The following TBCEL variants were observed in gnomAD, a reference collection of about 807,000 sequenced individuals.
The protein encoded by TBCEL is tubulin folding cofactor E like.
In TBCEL, 15 loss-of-function variants were observed where a neutral mutation model predicts 44.2. That is an observed-to-expected ratio of 0.34 (90% CI 0.23 to 0.52). The LOEUF (loss-of-function observed/expected upper bound fraction) is 0.52, where lower values mean the gene tolerates loss of function less well. Ranked by LOEUF, TBCEL falls within the 20% of genes least tolerant of loss-of-function variation. The pLI, the probability that TBCEL is intolerant of heterozygous loss-of-function variation, is 0.95. For synonymous variants in TBCEL, 171 were observed against 185.4 expected (o/e 0.92, Z 0.63); for missense variants, 319 against 506.3 (o/e 0.63, Z 3.55).
At chr11:121,051,641 C>T (rs544997023) in intron 4 of TBCEL, among the ~76,000 whole-genome samples, 8 of 151,816 alleles carry the variant, frequency 5.3e-5, no homozygotes, top group African/African-American at 1.4e-4. Flanking sequence ...ACCATTTGAT[C>T]GCAAAAGGGA....
chr11:121,086,473 T>C (rs1946218984), intron 8 of TBCEL, among the ~76,000 whole-genome samples: 1 of 152,206 alleles, frequency 6.6e-6, no homozygotes, highest in Non-Finnish European at 1.5e-5. Context: ...TACAGAGAGA[T>C]TGAACTTCTA....
intron 8 of TBCEL, among the ~76,000 whole-genome samples, chr11:121,086,544 A>C (rs1946220490): frequency 6.6e-6 from 1 of 152,148 alleles, no homozygotes; most frequent in Non-Finnish European, 1.5e-5. Context: ...TTCTTATGTA[A>C]TAATTGATTA....
chr11:121,041,812 C>T (rs1366595637), intron 2 of TBCEL, among the ~76,000 whole-genome samples: 1 of 151,494 alleles, frequency 6.6e-6, no homozygotes, highest in Non-Finnish European at 1.5e-5. Flanking sequence ...TAATTCAAAA[C>T]CTATGTATTA....
chr11:121,050,474 G>A (rs1446802308), intron 4 of TBCEL, among the ~76,000 whole-genome samples: 2 of 151,662 alleles, frequency 1.3e-5, no homozygotes, highest in African/African-American at 4.8e-5. Context: ...ATACTTCTGG[G>A]GAGGCAAAGA....
At chr11:121,041,458 C>T (rs986102611) in intron 2 of TBCEL, among the ~76,000 whole-genome samples, 8 of 152,278 alleles carry the variant, frequency 5.3e-5, no homozygotes, top group African/African-American at 1.9e-4. Flanking sequence ...AGGGCCACTT[C>T]ACAACTTAGT....
rs116893588 is a variant in TBCEL, at chr11:121,032,541, G to T, written c.-125-3964G>T. Reference sequence around the variant, plus strand: ...TTGATTCGTTAACATTGAATTAACTGCAAACAGCCCTAAATTCATACCTGA... The same window carrying T: ...TTGATTCGTTAACATTGAATTAACTTCAAACAGCCCTAAATTCATACCTGA... On this transcript the variant is annotated intron_variant, in intron 1 of 8. Coordinates refer to ENST00000683345, the MANE Select transcript of TBCEL (RefSeq NM_001363644.2). Among the ~76,000 whole-genome samples, 57 of 152,274 alleles carry T rather than the reference G, an allele frequency of 3.7e-4. 2 individuals carry two copies. The East Asian group carries it at 0.01, about 28-fold the overall frequency.
chr11:121,046,941 A>G (rs1483236383), intron 3 of TBCEL, among the ~76,000 whole-genome samples: 2 of 152,064 alleles, frequency 1.3e-5, no homozygotes, highest in Non-Finnish European at 2.9e-5. Flanking sequence ...GGGATATGAA[A>G]TGGAGATAAT....
rs1422769089 is a variant in TBCEL at position 121,090,059 on chromosome 11, GC to G, written c.*2965del. Reference sequence around the variant, plus strand: ...TATTATCAAGTTTTTGCAGCCTTTTGCCAGCATTGCCATAAATACGTAAGAA... The same window carrying G: ...TATTATCAAGTTTTTGCAGCCTTTTGCAGCATTGCCATAAATACGTAAGAA... On this transcript the variant is annotated 3_prime_UTR_variant, in exon 9 of 9. Transcript: ENST00000683345. 6.6e-6 allele frequency: 1 copy of G among 152,116 alleles called. No homozygotes were observed. The highest frequency in any genetic ancestry group is 1.5e-5 in the Non-Finnish European group (1 of 68,018). The allele number at this position is 152,116 out of a possible 1,614,324, so 9.4% of individuals were successfully genotyped here.
chr11:121,049,970 A>G (rs1204857236), intron 4 of TBCEL, among the ~76,000 whole-genome samples: 2 of 151,870 alleles, frequency 1.3e-5, no homozygotes, highest in East Asian at 1.9e-4. Context: ...TAAGTGCTCT[A>G]TAGTCTGTTT....
intron 6 of TBCEL, among the ~76,000 whole-genome samples, chr11:121,057,136 C>A (rs921141981): frequency 1.3e-5 from 2 of 151,830 alleles, no homozygotes; most frequent in African/African-American, 4.8e-5. Flanking sequence ...GCTAACTTTT[C>A]TTCCTCCTTG....
rs1306730308 is a variant in TBCEL, at chr11:121,090,653, A to G, written c.*3557A>G. The G allele has an allele frequency of 3.3e-5, 5 of 149,458 alleles. No homozygotes were observed. The highest frequency in any genetic ancestry group is 1.2e-4 in the African/African-American group (5 of 40,760). The allele number at this position is 149,458 out of a possible 1,614,324, so 9.3% of individuals were successfully genotyped here. On this transcript the variant is annotated 3_prime_UTR_variant, in exon 9 of 9. Transcript: ENST00000683345. Reference sequence around the variant, plus strand: ...GTTGTCTCCCGCAGTTAATGGAAATATATATACATATATATATATATTTTA... The same window carrying G: ...GTTGTCTCCCGCAGTTAATGGAAATGTATATACATATATATATATATTTTA...
intron 8 of TBCEL, among the ~76,000 whole-genome samples, chr11:121,084,786 T>A (rs1946186333): frequency 6.6e-6 from 1 of 152,118 alleles, no homozygotes; most frequent in Non-Finnish European, 1.5e-5. Flanking sequence ...TGTTAAATTT[T>A]CATAACCTAG....
At chr11:121,049,092 C>CT (rs905274752) in intron 4 of TBCEL, among the ~76,000 whole-genome samples, 3 of 151,570 alleles carry the variant, frequency 2.0e-5, no homozygotes, top group Non-Finnish European at 4.4e-5. Flanking sequence ...AGATTTTTAT[C>CT]TTTTTTTTAT....
intron 4 of TBCEL, among the ~76,000 whole-genome samples, chr11:121,051,682 A>T (rs1305456681): frequency 6.6e-6 from 1 of 151,796 alleles, no homozygotes; most frequent in East Asian, 1.9e-4. Context: ...ACACTGGTAT[A>T]AATTCCTTAC....
chr11:121,059,788 A>AT lies in TBCEL; in HGVS notation c.840-173dup, dbSNP rs1404097704. Among the ~76,000 whole-genome samples, 6 of 151,776 alleles carry AT rather than the reference A, an allele frequency of 4.0e-5. No homozygotes were observed. In the South Asian group the frequency reaches 6.2e-4, roughly 16 times the overall value. On this transcript the variant is annotated intron_variant, in intron 7 of 8. Coordinates refer to ENST00000683345, the MANE Select transcript of TBCEL (RefSeq NM_001363644.2). ...CAGTGTCACATGAAAGTGAAACTCA[A>AT]TTTTTTTTGTCCTTTCGGTTTAGAC...
chr11:121,059,433 G>A (rs1945680282), intron 7 of TBCEL, among the ~76,000 whole-genome samples: 1 of 151,774 alleles, frequency 6.6e-6, no homozygotes, highest in South Asian at 2.1e-4. Flanking sequence ...AGCTATGTGT[G>A]GCTATGAGTA....
Position 121,047,615 on chromosome 11 carries a change from C to T in TBCEL, c.221C>T (p.Ala74Val). ...GDEKEIAAFC[A>V]HVSELDLSDN... Reference sequence around the variant, plus strand: ...GAAAAAGAAATTGCTGCTTTCTGCGCTCATGTGTCGGAACTAGATCTTTCT... The same window carrying T: ...GAAAAAGAAATTGCTGCTTTCTGCGTTCATGTGTCGGAACTAGATCTTTCT... Residue 74 changes from alanine to valine, a missense_variant, in exon 4 of 9, where the codon GCT becomes GTT. Transcript: ENST00000683345. The T allele has an allele frequency of 6.2e-7, 1 of 1,612,746 alleles. No homozygotes were observed. The highest frequency in any genetic ancestry group is 2.2e-5 in the East Asian group (1 of 44,836).
intron 5 of TBCEL, 129 bp from the exon 6 acceptor site, chr11:121,054,923 T>A (rs1249047890): frequency 1.0e-5 from 10 of 980,338 alleles, no homozygotes; most frequent in Non-Finnish European, 1.4e-5. Flanking sequence ...ATCTTGGTAT[T>A]TTCTCCACAA....
chr11:121,085,344 T>C (rs1255182447), intron 8 of TBCEL, among the ~76,000 whole-genome samples: 1 of 152,230 alleles, frequency 6.6e-6, no homozygotes, highest in African/African-American at 2.4e-5. Context: ...GGCAATCTTA[T>C]ATTTTTTAAT....
Sources: allele counts gnomAD v4.1 joint callset (sites outside exome capture counted in the v4.1 genomes callset), GRCh38; gene constraint gnomAD v4.1.1; transcripts MANE v1.5; gene names NCBI Gene and HGNC (gene_info 2026-07-23, HGNC 2026-07-21).